Variants in SPRED2 observed in about 807,000 individuals in gnomAD.
SPRED2 encodes sprouty-related, EVH1 domain-containing protein 2.
Under a neutral mutation model 43.0 loss-of-function variants are expected in SPRED2, and 47 were observed. That is an observed-to-expected ratio of 1.09 (90% CI 0.87 to 1.40). The LOEUF (loss-of-function observed/expected upper bound fraction) is 1.40, where lower values mean the gene tolerates loss of function less well. Among genes scored for constraint, SPRED2 ranks in the 40% most tolerant of loss-of-function variants. SPRED2 has a pLI of 0.00. For synonymous variants in SPRED2, 225 were observed against 225.7 expected (o/e 1.00, Z 0.03); for missense variants, 561 against 586.4 (o/e 0.96, Z 0.45).
intron 1 of SPRED2, among the ~76,000 whole-genome samples, chr2:65,425,347 C>A (rs1676531883): frequency 6.6e-6 from 1 of 152,230 alleles, no homozygotes; most frequent in Admixed American, 6.5e-5. Flanking sequence ...AAGTCAAAAT[C>A]TGTTTCTTTA....
intron 2 of SPRED2, 98 bp downstream of exon 2, chr2:65,344,617 GAGAA>G (rs1182464501): frequency 2.0e-6 from 3 of 1,463,796 alleles, no homozygotes; most frequent in South Asian, 1.2e-5. Context: ...TTTGAAGTCA[GAGAA>G]AGAAAGAAAA....
intron 1 of SPRED2, among the ~76,000 whole-genome samples, chr2:65,362,989 A>G (rs1359550765): frequency 2.8e-5 from 4 of 141,062 alleles, no homozygotes; most frequent in African/African-American, 1.1e-4. Context: ...TGCTTTCTCT[A>G]TGGTCATCAT....
chr2:65,336,533 T>C (rs1405008979), intron 2 of SPRED2, among the ~76,000 whole-genome samples: 1 of 152,238 alleles, frequency 6.6e-6, no homozygotes, highest in Non-Finnish European at 1.5e-5. Flanking sequence ...ATTCTATTTA[T>C]GATTAAATTG....
chr2:65,401,914 G>A (rs1026513671), intron 1 of SPRED2, among the ~76,000 whole-genome samples: 2 of 133,882 alleles, frequency 1.5e-5, no homozygotes, highest in African/African-American at 2.8e-5. Flanking sequence ...ATTGTAAAAC[G>A]ATCAGAATAT....
chr2:65,323,832 C>T (rs1282064554), intron 4 of SPRED2, among the ~76,000 whole-genome samples: 6 of 152,000 alleles, frequency 3.9e-5, no homozygotes, highest in East Asian at 1.9e-4. Context: ...GCCGAGATCG[C>T]GCCACTGCAC....
chr2:65,410,801 A>G (rs1676139947), intron 1 of SPRED2, among the ~76,000 whole-genome samples: 6 of 152,148 alleles, frequency 3.9e-5, no homozygotes, highest in African/African-American at 1.4e-4. Context: ...AAAAGAACCT[A>G]AAGGATGAGG....
intron 1 of SPRED2, among the ~76,000 whole-genome samples, chr2:65,385,610 C>T (rs1260001552): frequency 1.7e-4 from 26 of 152,088 alleles, no homozygotes. Flanking sequence ...GGGGAGAAAC[C>T]AGAGAGGAAG....
chr2:65,327,110 C>G (rs1400604498), intron 4 of SPRED2, among the ~76,000 whole-genome samples: 1 of 152,152 alleles, frequency 6.6e-6, no homozygotes, highest in East Asian at 1.9e-4. Context: ...CCTCACTTGG[C>G]CTCCCGAAGT....
At chr2:65,329,403 T>C (rs1015790437) in intron 4 of SPRED2, among the ~76,000 whole-genome samples, 5 of 152,200 alleles carry the variant, frequency 3.3e-5, no homozygotes, top group African/African-American at 1.2e-4. Context: ...GTACTATTGT[T>C]AATAGGTCCT....
chr2:65,320,328 G>A (rs983121480), intron 4 of SPRED2, among the ~76,000 whole-genome samples: 2 of 152,156 alleles, frequency 1.3e-5, no homozygotes, highest in African/African-American at 4.8e-5. Context: ...TATTTTCTGT[G>A]ACCCACTTTT....
intron 1 of SPRED2, among the ~76,000 whole-genome samples, chr2:65,425,030 A>G (rs766315081): frequency 2.1e-4 from 32 of 152,386 alleles, no homozygotes; most frequent in Non-Finnish European, 3.8e-4. Context: ...TGCGTATCTG[A>G]AAAGTCAGTA....
chr2:65,399,110 C>T (rs1022737050), intron 1 of SPRED2, among the ~76,000 whole-genome samples: 3 of 151,812 alleles, frequency 2.0e-5, no homozygotes, highest in Non-Finnish European at 4.4e-5. Flanking sequence ...AACCCTGTCT[C>T]TCTTAAAAAA....
chr2:65,430,021 G>A (rs536495183), intron 1 of SPRED2, among the ~76,000 whole-genome samples: 31 of 152,302 alleles, frequency 2.0e-4, no homozygotes, highest in African/African-American at 7.2e-4. Context: ...AAGGGGTGGA[G>A]CCAAGGTAGA....
At chr2:65,314,681 T>C (rs1256862403) in intron 5 of SPRED2, among the ~76,000 whole-genome samples, 1 of 152,206 alleles carries the variant, frequency 6.6e-6, no homozygotes, top group Non-Finnish European at 1.5e-5. Flanking sequence ...TTTTTAAAAA[T>C]TGAAATAGAA....
At chr2:65,339,572 A>G (rs1004012714) in intron 2 of SPRED2, among the ~76,000 whole-genome samples, 1 of 151,322 alleles carries the variant, frequency 6.6e-6, no homozygotes, top group Non-Finnish European at 1.5e-5. Flanking sequence ...TCAAGTACCC[A>G]GGGACACAAA....
intron 1 of SPRED2, among the ~76,000 whole-genome samples, chr2:65,421,599 C>T (rs1327907194): frequency 2.6e-5 from 4 of 152,228 alleles, no homozygotes; most frequent in Non-Finnish European, 5.9e-5. Context: ...ACATTGCTCT[C>T]ACAAGCTTTC....
chr2:65,422,137 T>C (rs1032849804), intron 1 of SPRED2, among the ~76,000 whole-genome samples: 100 of 106,498 alleles, frequency 9.4e-4, no homozygotes, highest in Non-Finnish European at 1.5e-3. Flanking sequence ...CTCTCTCTCT[T>C]ACCCTCACTC....
chr2:65,309,639 G>T (rs1673018411), downstream of SPRED2, among the ~76,000 whole-genome samples: 1 of 152,100 alleles, frequency 6.6e-6, no homozygotes, highest in South Asian at 2.1e-4. Context: ...ATCCCCCATG[G>T]ATACTGAGGG....
Position 65,344,747 on chromosome 2 carries a change from A to T in SPRED2, c.176T>A (p.Ile59Asn), listed in dbSNP as rs1484112921. The stretch of plus-strand genomic sequence containing the variant: ...TTTGTCTTTCTGTCGTTCACCATGG[A>T]TGAGAAAGCCGCTTCGTCCATTGCC... The part of the protein sequence containing the change: ...PEGNGRSGFL[I>N]HGERQKDKLV... Residue 59 changes from isoleucine (I) to asparagine (N), a missense_variant, in exon 2 of 6, where the codon ATC (isoleucine) becomes AAC (asparagine). This residue lies in a region of SPRED2 where 305 missense variants were observed against 282.4 expected (regional missense o/e 1.08). Transcript: ENST00000356388. 6.2e-7 allele frequency: 1 copy of T among 1,614,046 alleles called. No homozygotes were observed. The highest frequency in any genetic ancestry group is 1.3e-5 in the African/African-American group (1 of 74,918).
Sources: allele counts gnomAD v4.1 joint callset (sites outside exome capture counted in the v4.1 genomes callset), GRCh38; gene constraint gnomAD v4.1.1; regional missense constraint gnomAD v4.1.1; transcripts MANE v1.5; gene names NCBI Gene and HGNC (gene_info 2026-07-23, HGNC 2026-07-21).